The following ARNT2 variants were observed in gnomAD, a reference collection of about 807,000 sequenced individuals.
The protein encoded by ARNT2 is ARNT protein 2.
In ARNT2, 36 loss-of-function variants were observed where a neutral mutation model predicts 91.7. That is an observed-to-expected ratio of 0.39 (90% CI 0.30 to 0.52). The LOEUF (loss-of-function observed/expected upper bound fraction) is 0.52, where lower values mean the gene tolerates loss of function less well. Ranked by LOEUF, ARNT2 falls within the 20% of genes least tolerant of loss-of-function variation. The probability of loss-of-function intolerance (pLI) is 0.72; values close to 1 mark genes in which losing one functional copy is unlikely to be tolerated. For missense variants in ARNT2, 775 were observed against 939.3 expected, an observed-to-expected ratio of 0.83 and a Z score of 2.29; for synonymous variants, 365 against 347.1, an observed-to-expected ratio of 1.05 and a Z score of -0.57.
chr15:80,551,308 A>C (rs900159047), intron 9 of ARNT2, 33 bp downstream of exon 9: 1 of 1,580,330 alleles, frequency 6.3e-7, no homozygotes, highest in Admixed American at 1.7e-5. Flanking sequence ...TTTAATCTTA[A>C]ATGAAGGCTT....
intron 1 of ARNT2, among the ~76,000 whole-genome samples, chr15:80,416,444 A>G (rs1895786856): frequency 6.6e-6 from 1 of 152,214 alleles, no homozygotes; most frequent in African/African-American, 2.4e-5. Flanking sequence ...GACAAAAATC[A>G]GGAAGTTGGC....
At chr15:80,520,751 A>AG (rs1158164401) in intron 8 of ARNT2, among the ~76,000 whole-genome samples, 7 of 152,154 alleles carry the variant, frequency 4.6e-5, no homozygotes, top group Non-Finnish European at 1.0e-4. Flanking sequence ...CAATAAAGCT[A>AG]GGGAAAAAAA....
At chr15:80,487,307 C>T (rs192714443) in intron 5 of ARNT2, among the ~76,000 whole-genome samples, 1 of 152,244 alleles carries the variant, frequency 6.6e-6, no homozygotes, top group Admixed American at 6.5e-5. Flanking sequence ...ATGCGCACAG[C>T]AGCAGAGCTG....
intron 11 of ARNT2, chr15:80,555,982 CTCAATCAA>C (rs991797740): frequency 2.0e-4 from 30 of 150,864 alleles, no homozygotes; most frequent in African/African-American, 7.1e-4. Context: ...CACTCACTCA[CTCAATCAA>C]TACAAAGTTA....
At chr15:80,409,914 C>A (rs1895656662) in intron 1 of ARNT2, among the ~76,000 whole-genome samples, 1 of 152,092 alleles carries the variant, frequency 6.6e-6, no homozygotes, top group Non-Finnish European at 1.5e-5. Context: ...GAACAGGGAG[C>A]AAGGGTGAAA....
At chr15:80,579,393 T>G (rs1898750192) in intron 15 of ARNT2, among the ~76,000 whole-genome samples, 1 of 152,164 alleles carries the variant, frequency 6.6e-6, no homozygotes, top group African/African-American at 2.4e-5. Flanking sequence ...CTCAAGAATG[T>G]CTCTGACATT....
At chr15:80,405,892 GAGAGAGAGAGAC>G (rs1162613438) in intron 1 of ARNT2, among the ~76,000 whole-genome samples, 1 of 151,160 alleles carries the variant, frequency 6.6e-6, no homozygotes, top group Non-Finnish European at 1.5e-5. Context: ...AAATAGAAAA[GAGAGAGAGAGAC>G]AGAGAGAGAG....
chr15:80,570,008 C>T (rs1316744925), intron 12 of ARNT2, among the ~76,000 whole-genome samples: 1 of 152,260 alleles, frequency 6.6e-6, no homozygotes, highest in Non-Finnish European at 1.5e-5. Flanking sequence ...AGATTTTTCT[C>T]TTTCCTGTGG....
At chr15:80,539,124 G>T (rs1897868014) in intron 8 of ARNT2, among the ~76,000 whole-genome samples, 1 of 151,816 alleles carries the variant, frequency 6.6e-6, no homozygotes, top group African/African-American at 2.4e-5. Flanking sequence ...AAGCTTTATG[G>T]GCAAATTATT....
At chr15:80,502,061 C>G (rs1897203685) in intron 5 of ARNT2, among the ~76,000 whole-genome samples, 1 of 152,182 alleles carries the variant, frequency 6.6e-6, no homozygotes, top group African/African-American at 2.4e-5. Flanking sequence ...CCCAAGTGCT[C>G]TAACAACTGG....
chr15:80,477,690 C>G (rs180830764), intron 5 of ARNT2, among the ~76,000 whole-genome samples: 8 of 152,180 alleles, frequency 5.3e-5, no homozygotes, highest in Admixed American at 6.5e-5. Flanking sequence ...AATTAGGGCT[C>G]ACCCATATGA....
intron 5 of ARNT2, chr15:80,487,692 C>T (rs1232751981): frequency 6.6e-6 from 1 of 152,264 alleles, no homozygotes; most frequent in East Asian, 1.9e-4. Context: ...AGGGCACCTG[C>T]CCCTCACCAG....
intron 11 of ARNT2, chr15:80,555,420 G>T: frequency 2.5e-6 from 1 of 395,736 alleles, no homozygotes; most frequent in Non-Finnish European, 4.6e-6. Context: ...GGAAGAGGCA[G>T]GAATTGTTCC....
chr15:80,465,251 A>G (rs578210060), intron 3 of ARNT2, among the ~76,000 whole-genome samples: 1 of 152,308 alleles, frequency 6.6e-6, no homozygotes, highest in African/African-American at 2.4e-5. Flanking sequence ...TTCCAGTTCT[A>G]GTGCAATCTG....
At chr15:80,545,522 C>T (rs1339625967) in intron 8 of ARNT2, among the ~76,000 whole-genome samples, 13 of 152,078 alleles carry the variant, frequency 8.5e-5, no homozygotes, top group African/African-American at 1.7e-4. Context: ...GTGATATAGA[C>T]GACAGGGTAG....
At chr15:80,426,459 G>A (rs370118930) in intron 1 of ARNT2, among the ~76,000 whole-genome samples, 3 of 152,142 alleles carry the variant, frequency 2.0e-5, no homozygotes, top group Admixed American at 6.5e-5. Flanking sequence ...CCATCACAGC[G>A]GCCCCAGGCT....
intron 15 of ARNT2, 152 bp from the exon 16 acceptor site, chr15:80,580,259 G>T (rs1255880686): frequency 6.0e-6 from 6 of 1,002,948 alleles, no homozygotes; most frequent in Non-Finnish European, 9.1e-6. Flanking sequence ...GGGCTTTGAG[G>T]CTCACGATGT....
In ARNT2 at chr15:80,447,423, C is replaced by A. The variant is rs1896322607; in HGVS notation, c.32-3457C>A. Among the ~76,000 whole-genome samples the A allele has an allele frequency of 2.6e-5, 4 of 152,166 alleles. No individual in the cohort carries two copies. In the South Asian group the frequency reaches 8.3e-4, roughly 32 times the overall value. On this transcript the variant is annotated intron_variant, in intron 1 of 18. Transcript: ENST00000303329. ...TCCCTATACAGTGCAGTGTTCAGTT[C>A]TCTTGGTGAGTGAAATTCAGAAACC...
intron 1 of ARNT2, among the ~76,000 whole-genome samples, chr15:80,410,077 T>G (rs1895658909): frequency 6.6e-6 from 1 of 152,216 alleles, no homozygotes; most frequent in African/African-American, 2.4e-5. Flanking sequence ...TAAATGCTGC[T>G]TCTGGCTGCT....
Sources: allele counts gnomAD v4.1 joint callset (sites outside exome capture counted in the v4.1 genomes callset), GRCh38; gene constraint gnomAD v4.1.1; transcripts MANE v1.5; gene names NCBI Gene and HGNC (gene_info 2026-07-23, HGNC 2026-07-21).